GTF2F1: variants seen among roughly 807,000 people sequenced by gnomAD.
GTF2F1 encodes general transcription factor IIF subunit 1.
A neutral mutation model predicts 63.5 loss-of-function variants in GTF2F1; 39 were observed. That is an observed-to-expected ratio of 0.61 (90% CI 0.48 to 0.80). GTF2F1 has a LOEUF of 0.80. GTF2F1 is among the 30% of genes least tolerant of loss of function. GTF2F1 has a pLI of 0.00. For missense variants in GTF2F1, 657 were observed against 718.3 expected, an observed-to-expected ratio of 0.91 and a Z score of 0.97; for synonymous variants, 287 against 285.3, an observed-to-expected ratio of 1.01 and a Z score of -0.06.
At chr19:6,385,051 G>A (rs935538077) in intron 5 of GTF2F1, among the ~76,000 whole-genome samples, 2 of 151,936 alleles carry the variant, frequency 1.3e-5, no homozygotes, top group South Asian at 2.1e-4. Flanking sequence ...CGCTCTCCAC[G>A]TGCCCAGCCT....
chr19:6,383,453 C>A lies in GTF2F1; in HGVS notation c.540G>T (p.Arg180=). 3 of 1,614,178 alleles carry A rather than the reference C, an allele frequency of 1.9e-6. No homozygotes were observed. Among genetic ancestry groups the A allele is most frequent in the Non-Finnish European group, 2.5e-6 (3 of 1,180,036 alleles). The change falls in exon 6 of 13, where the codon CGG becomes CGT. Residue 180 remains arginine (R), a synonymous_variant. Coordinates refer to ENST00000394456, the MANE Select transcript of GTF2F1 (RefSeq NM_002096.3). This position sits in a 1 kb window ranked among gnomAD's most constrained non-coding sequence, Gnocchi z 4.5. The stretch of plus-strand genomic sequence containing the variant: ...CGTCCTGGTCCTGATCCTTGAGCCG[C>A]CGCTGCTGCATGATGCTGAAGTGGT... The part of the protein sequence containing the change: ...VLNHFSIMQQ[R]RLKDQDQDED...
intron 4 of GTF2F1, among the ~76,000 whole-genome samples, chr19:6,388,264 C>T (rs1329599070): frequency 5.3e-5 from 8 of 152,150 alleles, no homozygotes; most frequent in Non-Finnish European, 1.0e-4. Flanking sequence ...ACACCTGGCC[C>T]GGGCCACCAT....
chr19:6,385,395 C>CAAAAA (rs10602439), intron 5 of GTF2F1, among the ~76,000 whole-genome samples: 2 of 37,980 alleles, frequency 5.3e-5, no homozygotes, highest in African/African-American at 7.0e-5. Flanking sequence ...GAGACTGTCT[C>CAAAAA]AAAAAAAAAA....
In GTF2F1 at chr19:6,387,516, A is replaced by C. The variant is rs758322035; in HGVS notation, c.370T>G (p.Tyr124Asp). Residue 124 changes from tyrosine (Y) to aspartate (D), a missense_variant, in exon 5 of 13, where the codon TAC (tyrosine) becomes GAC (aspartate). Tyr to Asp is a radical substitution (Grantham distance 160). Around this residue, in one of 2 missense-constraint regions of GTF2F1, gnomAD observed 602 missense variants for 625.6 expected, o/e 0.96. Transcript: ENST00000394456. ...TCGGGGCACTGGGTGAAGATGTAGTAGGACGTGTTCTCTGTTACGCCTCCC... is the reference window on the plus strand; with the variant it reads ...TCGGGGCACTGGGTGAAGATGTAGTCGGACGTGTTCTCTGTTACGCCTCCC... ...KKGGVTENTS[Y>D]YIFTQCPDGA... The C allele has an allele frequency of 1.2e-6, 2 of 1,614,182 alleles. No individual in the cohort carries two copies. Among genetic ancestry groups the C allele is most frequent in the Non-Finnish European group, 1.7e-6 (2 of 1,180,006 alleles).
chr19:6,380,239 G>A lies in GTF2F1; in HGVS notation c.*42C>T, dbSNP rs367874489. 1.3e-6 allele frequency: 2 copies of A among 1,521,706 alleles called. No homozygotes were observed. Among genetic ancestry groups the A allele is most frequent in the Admixed American group, 3.3e-5 (2 of 59,874 alleles). The allele number at this position is 1,521,706 out of a possible 1,614,324, so 94.3% of individuals were successfully genotyped here. On this transcript the variant is annotated 3_prime_UTR_variant, in exon 13 of 13. Coordinates refer to ENST00000394456, the MANE Select transcript of GTF2F1 (RefSeq NM_002096.3). The surrounding 1 kb of genome is among the most constrained non-coding windows in gnomAD (Gnocchi z 5.3). ...CTAGGATGGCGAAGGGGCAGTGAGAGCCTTAAGTTCTGGGGGGCAGAGCCA... is the reference window on the plus strand; with the variant it reads ...CTAGGATGGCGAAGGGGCAGTGAGAACCTTAAGTTCTGGGGGGCAGAGCCA...
At chr19:6,392,095 A>T (rs2092001585) in intron 2 of GTF2F1, 121 bp from the exon 3 acceptor site, 1 of 681,396 alleles carries the variant, frequency 1.5e-6, no homozygotes, top group Admixed American at 2.1e-5. Flanking sequence ...TAATTCAATC[A>T]AATCATTACT....
intron 3 of GTF2F1, chr19:6,390,367 G>A (rs1040676593): frequency 7.9e-5 from 12 of 152,196 alleles, no homozygotes; most frequent in African/African-American, 2.9e-4. Context: ...CTAACACGGT[G>A]AAACCCCGTC....
Position 6,379,741 on chromosome 19 carries a change from CTT to C in GTF2F1, c.*538_*539del, listed in dbSNP as rs11359697. The C allele has an allele frequency of 1.7e-3, 236 of 142,158 alleles. No homozygotes were observed. Among genetic ancestry groups the C allele is most frequent in the South Asian group, 5.4e-3 (25 of 4,604 alleles). 8.8% of individuals were successfully genotyped at this position (142,158 alleles called of 1,614,324 possible). On this transcript the variant is annotated 3_prime_UTR_variant, in exon 13 of 13. Coordinates refer to ENST00000394456, the MANE Select transcript of GTF2F1 (RefSeq NM_002096.3). ...AGGCTCCCGCCACCATGCCTGGCTA[CTT>C]TTTTTTTTTTTTTGTGCCAGGATTT...
At position 6,389,537 on chromosome 19, in the gene GTF2F1, T is replaced by C. The variant is rs1395471102; in HGVS notation, c.233A>G (p.Glu78Gly). ...GATGCCGTACTTCTTCCTCCGAGCC[T>C]CCTCCCGAAGCTTGCGGTTGAACTC... is the stretch of plus-strand genomic sequence containing the variant. ...GSEFNRKLRE[E>G]ARRKKYGIVL... is the part of the protein sequence containing the mutation. Residue 78 changes from glutamate (E) to glycine (G), a missense_variant, in exon 4 of 13, where the codon GAG (glutamate) becomes GGG (glycine). By Grantham distance (98) the Glu-to-Gly change is moderately conservative (BLOSUM62 -2). This residue lies in a region of GTF2F1 where 602 missense variants were observed against 625.6 expected (regional missense o/e 0.96). Transcript: ENST00000394456. 1 of 1,614,082 alleles carries C rather than the reference T, an allele frequency of 6.2e-7. No homozygotes were observed. Among genetic ancestry groups the C allele is most frequent in the African/African-American group, 1.3e-5 (1 of 74,940 alleles).
At chr19:6,391,439 G>GTTTTTTTTTTTTTTTTTT in intron 3 of GTF2F1, among the ~76,000 whole-genome samples, 1 of 87,452 alleles carries the variant, frequency 1.1e-5, no homozygotes, top group African/African-American at 3.3e-5. Flanking sequence ...TGCCATTTCC[G>GTTTTTTTTTTTTTTTTTT]TTTTTTTTTT....
In GTF2F1 at chr19:6,380,910, C is replaced by G; in HGVS notation, c.1225G>C (p.Glu409Gln). The change falls in exon 11 of 13, where the codon GAG (glutamate) becomes CAG (glutamine). Residue 409 changes from glutamate (E) to glutamine (Q), a missense_variant. Physicochemically the swap from Glu to Gln is conservative, Grantham distance 29. Transcript: ENST00000394456. This position sits in a 1 kb window ranked among gnomAD's most constrained non-coding sequence, Gnocchi z 5.3. ...GGAGGCCACGGGCACTCACCTTGCT[C>G]GAGTTTGCTGGCAGCCGCCCGCAGG... ...STLRAAASKLEQGKRVSEMPA... is the reference protein window; with the variant it reads ...STLRAAASKLQQGKRVSEMPA... 1.3e-6 allele frequency: 2 copies of G among 1,562,094 alleles called. No homozygotes were observed. Among genetic ancestry groups the G allele is most frequent in the Non-Finnish European group, 1.7e-6 (2 of 1,156,448 alleles).
chr19:6,383,553 T>C lies in GTF2F1; in HGVS notation c.498-58A>G. The C allele has an allele frequency of 1.9e-6, 3 of 1,564,998 alleles. No homozygotes were observed. The highest frequency in any genetic ancestry group is 2.6e-6 in the Non-Finnish European group (3 of 1,144,846). On this transcript the variant is annotated intron_variant, in intron 5 of 12. Coordinates refer to ENST00000394456, the MANE Select transcript of GTF2F1 (RefSeq NM_002096.3). This position sits in a 1 kb window ranked among gnomAD's most constrained non-coding sequence, Gnocchi z 4.5. Reference sequence around the variant, plus strand: ...GCCTGGCACCACCCTGCATCTGTGCTTGCAGGGGGCGAGCCCCAGGGCACC... The same window carrying C: ...GCCTGGCACCACCCTGCATCTGTGCCTGCAGGGGGCGAGCCCCAGGGCACC...
chr19:6,391,911 C>G lies in GTF2F1; in HGVS notation c.123G>C (p.Thr41=). 1 of 1,578,582 alleles carries G rather than the reference C, an allele frequency of 6.3e-7. No homozygotes were observed. Among genetic ancestry groups the G allele is most frequent in the Non-Finnish European group, 8.6e-7 (1 of 1,159,098 alleles). ...FNAADKVNFA[T]WNQARLERDL... ...GGACTCAGAGACTTACCTGATTCCA[C>G]GTAGCAAAGTTGACTTTGTCGGCTG... The change falls in exon 3 of 13, where the codon ACG becomes ACC. Residue 41 remains threonine (T), a synonymous_variant. Coordinates refer to ENST00000394456, the MANE Select transcript of GTF2F1 (RefSeq NM_002096.3).
chr19:6,387,243 G>A, intron 5 of GTF2F1, 146 bp downstream of exon 5: 1 of 715,250 alleles, frequency 1.4e-6, no homozygotes, highest in Non-Finnish European at 2.3e-6. Context: ...GTTTCCTCCT[G>A]AACTGACAGC....
At chr19:6,388,898 A>G (rs1270060619) in intron 4 of GTF2F1, among the ~76,000 whole-genome samples, 5 of 152,160 alleles carry the variant, frequency 3.3e-5, no homozygotes, top group African/African-American at 1.2e-4. Context: ...GTGAGCTACG[A>G]TCGCACCACT....
At chr19:6,387,817 C>A (rs1033080355) in intron 4 of GTF2F1, among the ~76,000 whole-genome samples, 1 of 150,804 alleles carries the variant, frequency 6.6e-6, no homozygotes, top group African/African-American at 2.4e-5. Flanking sequence ...GAGATTATCT[C>A]AGGAGAGCCC....
At position 6,381,214 on chromosome 19, in the gene GTF2F1, G is replaced by A. The variant is rs757961315; in HGVS notation, c.1019-19C>T. The A allele has an allele frequency of 5.0e-6, 8 of 1,600,528 alleles. No individual in the cohort carries two copies. Among genetic ancestry groups the A allele is most frequent in the Non-Finnish European group, 6.8e-6 (8 of 1,174,268 alleles). Reference sequence around the variant, plus strand: ...CTGCTGTCTGCGGGGCACAGGAAAGGGGTCAGGGCCAGAGCAACCCCGGGA... The same window carrying A: ...CTGCTGTCTGCGGGGCACAGGAAAGAGGTCAGGGCCAGAGCAACCCCGGGA... On this transcript the variant is annotated intron_variant, in intron 9 of 12. Coordinates refer to ENST00000394456, the MANE Select transcript of GTF2F1 (RefSeq NM_002096.3). This position sits in a 1 kb window ranked among gnomAD's most constrained non-coding sequence, Gnocchi z 4.1.
chr19:6,393,129 G>A lies in GTF2F1; in HGVS notation c.-134C>T. Reference sequence around the variant, plus strand: ...TGCCTGAGCGAGGACCCCAACCCTAGGCGCCTCTGGCGCTGGGAAAAGGTA... The same window carrying A: ...TGCCTGAGCGAGGACCCCAACCCTAAGCGCCTCTGGCGCTGGGAAAAGGTA... On this transcript the variant is annotated 5_prime_UTR_variant, in exon 1 of 13. Coordinates refer to ENST00000394456, the MANE Select transcript of GTF2F1 (RefSeq NM_002096.3). The A allele has an allele frequency of 2.7e-6, 3 of 1,123,656 alleles. No individual in the cohort carries two copies. Among genetic ancestry groups the A allele is most frequent in the South Asian group, 1.3e-5 (1 of 76,102 alleles). 69.6% of individuals were successfully genotyped at this position (1,123,656 alleles called of 1,614,324 possible).
chr19:6,387,233 G>T, intron 5 of GTF2F1, 156 bp downstream of exon 5: 1 of 669,072 alleles, frequency 1.5e-6, no homozygotes, highest in Non-Finnish European at 2.5e-6. Flanking sequence ...CCTCCTATCT[G>T]TTTCCTCCTG....
Sources: allele counts gnomAD v4.1 joint callset (sites outside exome capture counted in the v4.1 genomes callset), GRCh38; gene constraint gnomAD v4.1.1; regional missense constraint gnomAD v4.1.1; non-coding constraint Gnocchi (gnomAD v3.1); transcripts MANE v1.5; gene names NCBI Gene and HGNC (gene_info 2026-07-23, HGNC 2026-07-21).